CACNA1A: variants seen among roughly 807,000 people sequenced by gnomAD.
CACNA1A encodes the protein calcium voltage-gated channel subunit alpha1 A, also known as voltage-dependent P/Q-type calcium channel subunit alpha-1A.
Under a neutral mutation model 262.4 loss-of-function variants are expected in CACNA1A, and 57 were observed. The observed-to-expected ratio is 0.22, with a 90% CI of 0.18 to 0.27. The LOEUF is 0.27. Ranked by LOEUF, CACNA1A falls within the 10% of genes least tolerant of loss-of-function variation. The pLI is 1.00. For missense variants in CACNA1A, 2,526 were observed against 3,562.8 expected (o/e 0.71, Z 7.41); for synonymous variants, 1,431 against 1,419.3 (o/e 1.01, Z -0.18).
At chr19:13,430,772 T>C (rs975410946) in intron 3 of CACNA1A, among the ~76,000 whole-genome samples, 3 of 151,978 alleles carry the variant, frequency 2.0e-5, no homozygotes, top group Admixed American at 2.0e-4. Context: ...CAAGTAAATA[T>C]AGCTTGGCAG....
chr19:13,325,140 CTCT>C (rs1246331010), intron 10 of CACNA1A, among the ~76,000 whole-genome samples: 4 of 127,500 alleles, frequency 3.1e-5, no homozygotes, highest in Non-Finnish European at 6.7e-5. Flanking sequence ...CCTCCTCCTC[CTCT>C]TCTTCTTCTT....
intron 5 of CACNA1A, among the ~76,000 whole-genome samples, chr19:13,361,700 G>T (rs1359742911): frequency 6.6e-6 from 1 of 152,150 alleles, no homozygotes; most frequent in South Asian, 2.1e-4. Context: ...GTCTAGCCTC[G>T]CCATGAACTT....
At chr19:13,300,924 GACTTTCCTGC>G (rs771579035) in intron 17 of CACNA1A, among the ~76,000 whole-genome samples, 2 of 150,916 alleles carry the variant, frequency 1.3e-5, no homozygotes, top group Non-Finnish European at 3.0e-5. Flanking sequence ...CTACAATGAA[GACTTTCCTGC>G]AGCCTATTTT....
chr19:13,242,231 A>G (rs1013395032), intron 31 of CACNA1A, among the ~76,000 whole-genome samples: 8 of 152,000 alleles, frequency 5.3e-5, no homozygotes, highest in African/African-American at 1.4e-4. Context: ...AACAACCACC[A>G]TTTTCAAACT....
chr19:13,455,783 T>C (rs907547555), intron 1 of CACNA1A, among the ~76,000 whole-genome samples: 11 of 150,642 alleles, frequency 7.3e-5, no homozygotes, highest in African/African-American at 2.2e-4. Context: ...GGCGAGAGAA[T>C]TGCTTGAGCC....
intron 3 of CACNA1A, among the ~76,000 whole-genome samples, chr19:13,404,347 AC>A (rs1287443466): frequency 6.6e-6 from 1 of 152,176 alleles, no homozygotes; most frequent in Admixed American, 6.5e-5. Flanking sequence ...GCCTCATGCC[AC>A]CTGGGGAACA....
intron 1 of CACNA1A, among the ~76,000 whole-genome samples, chr19:13,498,200 A>G (rs1981917525): frequency 6.6e-6 from 1 of 152,116 alleles, no homozygotes; most frequent in Non-Finnish European, 1.5e-5. Flanking sequence ...ATCAGAATCC[A>G]TGTAACACCA....
intron 24 of CACNA1A, among the ~76,000 whole-genome samples, chr19:13,266,422 G>C (rs923254708): frequency 3.9e-5 from 6 of 152,134 alleles, no homozygotes; most frequent in Non-Finnish European, 7.3e-5. Context: ...TAGAAAAAAA[G>C]TCAAGGAACT....
chr19:13,348,015 G>C (rs2058825376), intron 6 of CACNA1A, among the ~76,000 whole-genome samples: 1 of 151,978 alleles, frequency 6.6e-6, no homozygotes, highest in African/African-American at 2.4e-5. Context: ...CAAACCCTTG[G>C]GCTCAGGCAA....
chr19:13,258,930 T>A (rs958091535), intron 27 of CACNA1A: 2 of 140,852 alleles, frequency 1.4e-5, no homozygotes, highest in Non-Finnish European at 3.2e-5. Context: ...AATATCAATT[T>A]CTTCTTCTTT....
chr19:13,332,387 G>A (rs2058482341), intron 9 of CACNA1A, among the ~76,000 whole-genome samples: 1 of 151,780 alleles, frequency 6.6e-6, no homozygotes, highest in Admixed American at 6.6e-5. Flanking sequence ...GTGACAGAGC[G>A]AGACTCTGTC....
intron 17 of CACNA1A, 127 bp downstream of exon 17, chr19:13,303,419 C>G (rs2057829136): frequency 3.0e-6 from 2 of 664,772 alleles, no homozygotes; most frequent in African/African-American, 1.8e-5. Context: ...ATGGTGCATC[C>G]CCGGCAAAAG....
intron 44 of CACNA1A, 118 bp downstream of exon 44, chr19:13,210,499 T>A: frequency 1.2e-6 from 1 of 855,790 alleles, no homozygotes; most frequent in Non-Finnish European, 1.8e-6. Context: ...GAGGGTGCGA[T>A]TGCCAAAGAA....
At chr19:13,485,863 G>C (rs1188084855) in intron 1 of CACNA1A, among the ~76,000 whole-genome samples, 1 of 152,162 alleles carries the variant, frequency 6.6e-6, no homozygotes, top group African/African-American at 2.4e-5. Context: ...TTCACACAGA[G>C]CGATGTGCTC....
chr19:13,394,230 C>T (rs78003459), intron 3 of CACNA1A, among the ~76,000 whole-genome samples: 2,006 of 152,200 alleles, frequency 0.013, 41 homozygotes, highest in African/African-American at 0.044. Context: ...GTCACTGCTT[C>T]GAGTTCACAC....
chr19:13,216,620 G>A (rs765464627), intron 38 of CACNA1A, among the ~76,000 whole-genome samples: 1 of 152,010 alleles, frequency 6.6e-6, no homozygotes, highest in Non-Finnish European at 1.5e-5. Flanking sequence ...GAGCCACTGT[G>A]CCTGGCCTAT....
At chr19:13,505,463 G>A (rs1982907015) in intron 1 of CACNA1A, among the ~76,000 whole-genome samples, 1 of 152,120 alleles carries the variant, frequency 6.6e-6, no homozygotes, top group African/African-American at 2.4e-5. Context: ...TGGAGAGGCT[G>A]TCCAGCTTCC....
At chr19:13,444,303 G>A (rs574198958) in intron 3 of CACNA1A, among the ~76,000 whole-genome samples, 41 of 152,308 alleles carry the variant, frequency 2.7e-4, no homozygotes, top group Non-Finnish European at 4.7e-4. Flanking sequence ...GGTATTTATA[G>A]GAACTGTTGC....
intron 23 of CACNA1A, 100 bp downstream of exon 23, chr19:13,276,969 C>T: frequency 1.3e-6 from 1 of 777,692 alleles, no homozygotes. Context: ...GCCTCAGCCT[C>T]CCAAAGTGCT....
Sources: gnomAD v4.1 joint callset for allele counts (sites outside exome capture counted in the v4.1 genomes callset) on GRCh38, gnomAD v4.1.1 for gene constraint, MANE v1.5 for transcripts, NCBI Gene and HGNC (gene_info 2026-07-23, HGNC 2026-07-21) for gene names.